The following MCPH1 variants were observed in gnomAD, a reference collection of about 807,000 sequenced individuals.
MCPH1 encodes microcephalin 1.
MCPH1 carries 104 observed loss-of-function variants against 84.5 expected under a neutral mutation model. The observed-to-expected ratio is 1.23, with a 90% CI of 1.05 to 1.45. MCPH1 has a LOEUF of 1.45. MCPH1 is among the 40% of genes most tolerant of loss of function. The pLI, the probability that MCPH1 is intolerant of heterozygous loss-of-function variation, is 0.00. For synonymous variants in MCPH1, 514 were observed against 366.8 expected (o/e 1.40, Z -4.58); for missense variants, 1,498 against 1,005.7 (o/e 1.49, Z -6.62).
rs1563305309 is a variant in MCPH1 at position 6,505,263 on chromosome 8, T to TATAC, written c.2214+5337_2214+5338insCATA. On this transcript the variant is annotated intron_variant, in intron 12 of 13. Coordinates refer to ENST00000344683, the MANE Select transcript of MCPH1 (RefSeq NM_024596.5). ...GAATATATATTCTTTATATATGTTT[T>TATAC]ATATATATGTATACATATATATGTT... is the stretch of plus-strand genomic sequence containing the variant. Among the ~76,000 whole-genome samples the TATAC allele has an allele frequency of 6.3e-4, 49 of 77,996 alleles. 12 individuals are homozygous for TATAC. The highest frequency in any genetic ancestry group is 2.2e-3 in the African/African-American group (48 of 21,676). 51.2% of individuals were successfully genotyped at this position (77,996 alleles called of 152,430 possible). A position where few individuals can be genotyped will look rare whatever the true frequency, so the allele number is the denominator to read the frequency against.
intron 12 of MCPH1, among the ~76,000 whole-genome samples, chr8:6,573,154 G>T (rs187616625): frequency 6.6e-6 from 1 of 152,330 alleles, no homozygotes; most frequent in African/African-American, 2.4e-5. Context: ...TGAAGAGTCT[G>T]CTTAGGAATT....
At chr8:6,515,520 TG>T (rs1212319394) in intron 12 of MCPH1, among the ~76,000 whole-genome samples, 1 of 152,218 alleles carries the variant, frequency 6.6e-6, no homozygotes, top group Non-Finnish European at 1.5e-5. Context: ...ACTGGCTCTG[TG>T]GGTTTAAACT....
At chr8:6,578,631 A>G (rs1827304412) in intron 12 of MCPH1, among the ~76,000 whole-genome samples, 1 of 152,234 alleles carries the variant, frequency 6.6e-6, no homozygotes, top group Admixed American at 6.5e-5. Context: ...AAGAACTAGA[A>G]TAAGTAGTCA....
chr8:6,477,629 T>C lies in MCPH1; in HGVS notation c.1971T>C (p.Ser657=). The C allele has an allele frequency of 6.2e-7, 1 of 1,612,094 alleles. No individual in the cohort carries two copies. Among genetic ancestry groups the C allele is most frequent in the South Asian group, 1.1e-5 (1 of 91,032 alleles). The change falls in exon 10 of 14, where the codon TCT becomes TCC. Residue 657 remains serine, a splice_region_variant and synonymous_variant. Transcript: ENST00000344683. ...TRTLVMTSMP[S]EKQNVVIQVV... is the part of the protein sequence containing the mutation. Reference sequence around the variant, plus strand: ...CATTAGTCATGACAAGCATGCCATCTGAGTAAGTACTTGTTTTGATTTCTG... The same window carrying C: ...CATTAGTCATGACAAGCATGCCATCCGAGTAAGTACTTGTTTTGATTTCTG...
At chr8:6,500,863 A>G (rs1021987975) in intron 12 of MCPH1, 1 of 152,194 alleles carries the variant, frequency 6.6e-6, no homozygotes, top group Non-Finnish European at 1.5e-5. Context: ...TTTGTCCTTG[A>G]ATTTTTTATC....
chr8:6,517,201 A>G (rs2916724), intron 12 of MCPH1, among the ~76,000 whole-genome samples: 18,528 of 152,214 alleles, frequency 0.12, 2,328 homozygotes, highest in African/African-American at 0.31. Flanking sequence ...TACCACTCCA[A>G]TTACAACAAA....
chr8:6,514,469 G>A (rs1045714607), intron 12 of MCPH1, among the ~76,000 whole-genome samples: 8 of 152,180 alleles, frequency 5.3e-5, no homozygotes, highest in African/African-American at 1.2e-4. Context: ...GATTACAGGC[G>A]TGAGCCAGCA....
chr8:6,623,388 TTC>T (rs1022587158), intron 13 of MCPH1, among the ~76,000 whole-genome samples: 9 of 152,006 alleles, frequency 5.9e-5, no homozygotes, highest in Admixed American at 6.6e-5. Context: ...CTCATTCTTT[TTC>T]TCTCTCTTTG....
chr8:6,452,338 A>T (rs530028845), intron 8 of MCPH1, among the ~76,000 whole-genome samples: 2 of 152,370 alleles, frequency 1.3e-5, no homozygotes, highest in African/African-American at 4.8e-5. Flanking sequence ...TTTTGATGGT[A>T]TTATTAATCC....
chr8:6,467,539 A>G (rs752037870), intron 9 of MCPH1, among the ~76,000 whole-genome samples: 5 of 152,170 alleles, frequency 3.3e-5, no homozygotes, highest in Non-Finnish European at 7.4e-5. Context: ...ACGAGGGACC[A>G]TGGATAGGAA....
intron 12 of MCPH1, chr8:6,520,049 T>C: frequency 6.3e-7 from 1 of 1,586,928 alleles, no homozygotes; most frequent in South Asian, 1.1e-5. Context: ...CAAAGACTTG[T>C]TATTTCAAGA....
chr8:6,555,492 C>T (rs571038227), intron 12 of MCPH1, among the ~76,000 whole-genome samples: 1 of 147,596 alleles, frequency 6.8e-6, no homozygotes, highest in African/African-American at 2.6e-5. Flanking sequence ...GACAGGATCT[C>T]ACTGCGTAGC....
chr8:6,634,508 C>G (rs973467922), intron 13 of MCPH1, among the ~76,000 whole-genome samples: 8 of 152,128 alleles, frequency 5.3e-5, no homozygotes, highest in Non-Finnish European at 8.8e-5. Flanking sequence ...CAGTGCTGTG[C>G]AAATGCAGCA....
chr8:6,521,524 G>A (rs1586327239), intron 12 of MCPH1: 1 of 764,224 alleles, frequency 1.3e-6, no homozygotes, highest in South Asian at 2.0e-5. Context: ...TGGTTATAAA[G>A]TAATATGATG....
chr8:6,504,408 C>G (rs993234290), intron 12 of MCPH1, among the ~76,000 whole-genome samples: 1 of 152,048 alleles, frequency 6.6e-6, no homozygotes, highest in African/African-American at 2.4e-5. Flanking sequence ...CACTTCATCC[C>G]TCCCAGAACA....
intron 11 of MCPH1, among the ~76,000 whole-genome samples, chr8:6,487,688 C>T (rs1810096816): frequency 6.6e-6 from 1 of 152,200 alleles, no homozygotes; most frequent in Non-Finnish European, 1.5e-5. Flanking sequence ...TTATTGCTCG[C>T]ACTTGCAAGC....
intron 12 of MCPH1, among the ~76,000 whole-genome samples, chr8:6,559,637 G>A (rs1825208348): frequency 6.6e-6 from 1 of 152,138 alleles, no homozygotes; most frequent in Non-Finnish European, 1.5e-5. Flanking sequence ...ACTCATCAGT[G>A]TGAAATAGTT....
At chr8:6,593,157 C>A (rs553412211) in intron 12 of MCPH1, among the ~76,000 whole-genome samples, 83 of 147,028 alleles carry the variant, frequency 5.6e-4, no homozygotes, top group African/African-American at 1.9e-3. Context: ...AATCTTGGCT[C>A]ACTGCAACCT....
intron 12 of MCPH1, among the ~76,000 whole-genome samples, chr8:6,613,661 C>T (rs3020258): frequency 0.14 from 21,087 of 151,868 alleles, 1,822 homozygotes; most frequent in Non-Finnish European, 0.21. Flanking sequence ...CTGTGGATGT[C>T]CTGAGACTTC....
Sources: allele counts gnomAD v4.1 joint callset (sites outside exome capture counted in the v4.1 genomes callset), GRCh38; gene constraint gnomAD v4.1.1; transcripts MANE v1.5; gene names NCBI Gene and HGNC (gene_info 2026-07-23, HGNC 2026-07-21).